GPATCH8: variants seen among roughly 807,000 people sequenced by gnomAD.
GPATCH8 encodes G-patch domain containing 8.
GPATCH8 carries 18 observed loss-of-function variants against 118.3 expected under a neutral mutation model. That is an observed-to-expected ratio of 0.15 (90% CI 0.11 to 0.23). The LOEUF (loss-of-function observed/expected upper bound fraction) is 0.23, where lower values mean the gene tolerates loss of function less well. GPATCH8 is among the 10% of genes least tolerant of loss of function. The probability of loss-of-function intolerance (pLI) is 1.00; values close to 1 mark genes in which losing one functional copy is unlikely to be tolerated. For missense variants in GPATCH8, 1,631 were observed against 1,873.8 expected (o/e 0.87, Z 2.39); for synonymous variants, 659 against 684.7 (o/e 0.96, Z 0.59).
At position 44,441,636 on chromosome 17, in the gene GPATCH8, A is replaced by C. The variant is rs112968256; in HGVS notation, c.194-5091T>G. On this transcript the variant is annotated intron_variant, in intron 3 of 7. Coordinates refer to ENST00000591680, the MANE Select transcript of GPATCH8 (RefSeq NM_001002909.4). ...CTACTCAGGAGGCTGGGGCAGGAGA[A>C]TCACTTTAACCCGGGAGGCAGAGGT... Among the ~76,000 whole-genome samples the C allele has an allele frequency of 5.6e-3, 847 of 152,094 alleles. 13 individuals carry two copies. Among genetic ancestry groups the C allele is most frequent in the African/African-American group, 0.02 (817 of 41,466 alleles).
At chr17:44,465,206 G>A (rs1458131861) in intron 2 of GPATCH8, 1 of 151,996 alleles carries the variant, frequency 6.6e-6, no homozygotes, top group Non-Finnish European at 1.5e-5. Flanking sequence ...AATAAAATGA[G>A]CTCAAGCACA....
At chr17:44,499,291 AC>A (rs998515999) in intron 1 of GPATCH8, among the ~76,000 whole-genome samples, 1 of 152,076 alleles carries the variant, frequency 6.6e-6, no homozygotes, top group African/African-American at 2.4e-5. Flanking sequence ...ACAGGGTGAA[AC>A]CCCGTCTCTA....
chr17:44,457,908 C>T (rs889883245), intron 3 of GPATCH8, among the ~76,000 whole-genome samples: 3 of 151,888 alleles, frequency 2.0e-5, no homozygotes, highest in African/African-American at 4.8e-5. Context: ...GCTAAAACCC[C>T]GTCTCTACTA....
At chr17:44,463,652 T>A (rs1339018420) in intron 3 of GPATCH8, among the ~76,000 whole-genome samples, 1 of 152,190 alleles carries the variant, frequency 6.6e-6, no homozygotes, top group Non-Finnish European at 1.5e-5. Context: ...AGTGCTGGGA[T>A]TACAGGCGTG....
chr17:44,477,513 G>A (rs1967871622), intron 1 of GPATCH8, among the ~76,000 whole-genome samples: 3 of 151,874 alleles, frequency 2.0e-5, no homozygotes, highest in Non-Finnish European at 4.4e-5. Flanking sequence ...AACTACAGGC[G>A]CCACACCAGT....
chr17:44,413,684 T>C (rs879354999), intron 6 of GPATCH8, among the ~76,000 whole-genome samples: 4 of 152,072 alleles, frequency 2.6e-5, no homozygotes, highest in Admixed American at 1.3e-4. Context: ...CGGAATGCAG[T>C]GGCATGATCT....
chr17:44,437,345 C>G (rs2050547333), intron 3 of GPATCH8, among the ~76,000 whole-genome samples: 1 of 152,040 alleles, frequency 6.6e-6, no homozygotes, highest in Non-Finnish European at 1.5e-5. Context: ...CCACTCATAA[C>G]CAGCCAAACA....
chr17:44,471,872 TA>T (rs34968232), intron 2 of GPATCH8, among the ~76,000 whole-genome samples: 80,050 of 128,462 alleles, frequency 0.62, 22,441 homozygotes, highest in Middle Eastern at 0.66. Flanking sequence ...CCAAAAAAAG[TA>T]AAAAAAAAAA....
At chr17:44,413,604 A>G (rs544239466) in intron 6 of GPATCH8, among the ~76,000 whole-genome samples, 1 of 149,766 alleles carries the variant, frequency 6.7e-6, no homozygotes, top group Non-Finnish European at 1.5e-5. Context: ...GCCTCCTGAG[A>G]AGCTGGGACC....
chr17:44,442,534 C>T (rs552743085), intron 3 of GPATCH8, among the ~76,000 whole-genome samples: 3 of 152,240 alleles, frequency 2.0e-5, no homozygotes, highest in Non-Finnish European at 2.9e-5. Flanking sequence ...GTGCCATCTC[C>T]GCTCACTGTA....
Position 44,436,471 on chromosome 17 carries a change from A to G in GPATCH8, c.261+7T>C. ...ACAAAACTTATGAGTTAATGAGATCAATTTACCTCCATTTCCATGCGACCC... is the reference window on the plus strand; with the variant it reads ...ACAAAACTTATGAGTTAATGAGATCGATTTACCTCCATTTCCATGCGACCC... On this transcript the variant is annotated splice_region_variant and intron_variant, in intron 4 of 7. Coordinates refer to ENST00000591680, the MANE Select transcript of GPATCH8 (RefSeq NM_001002909.4). 8.1e-7 allele frequency: 1 copy of G among 1,234,800 alleles called. No individual in the cohort carries two copies. Among genetic ancestry groups the G allele is most frequent in the East Asian group, 2.3e-5 (1 of 43,192 alleles). The allele number at this position is 1,234,800 out of a possible 1,614,324, so 76.5% of individuals were successfully genotyped here.
chr17:44,464,719 G>C, intron 2 of GPATCH8, 175 bp from the exon 3 acceptor site: 3 of 616,110 alleles, frequency 4.9e-6, no homozygotes, highest in Non-Finnish European at 8.7e-6. Flanking sequence ...AAAAAGAAAA[G>C]CTGGCTAGTA....
At chr17:44,416,581 A>G (rs981832893) in intron 6 of GPATCH8, among the ~76,000 whole-genome samples, 1 of 152,166 alleles carries the variant, frequency 6.6e-6, no homozygotes, top group African/African-American at 2.4e-5. Flanking sequence ...AAACTACAAC[A>G]TGTTCAAGTG....
Position 44,400,269 on chromosome 17 carries a change from A to G in GPATCH8, c.1808T>C (p.Leu603Pro). ...KDIGSSSKDH[L>P]QGLDPGEPNK... The stretch of plus-strand genomic sequence containing the variant: ...TGGCTCACCAGGATCTAGGCCTTGG[A>G]GATGGTCCTTTGAGGAGCTTCCTAT... Residue 603 changes from leucine (L) to proline (P), a missense_variant, in exon 8 of 8, where the codon CTC becomes CCC. Physicochemically the swap from Leu to Pro is moderately conservative, Grantham distance 98. Coordinates refer to ENST00000591680, the MANE Select transcript of GPATCH8 (RefSeq NM_001002909.4). 6.2e-7 allele frequency: 1 copy of G among 1,614,004 alleles called. No homozygotes were observed. Among genetic ancestry groups the G allele is most frequent in the Non-Finnish European group, 8.5e-7 (1 of 1,179,968 alleles).
chr17:44,418,774 C>A (rs886236177), intron 6 of GPATCH8, among the ~76,000 whole-genome samples: 1 of 152,138 alleles, frequency 6.6e-6, no homozygotes, highest in Non-Finnish European at 1.5e-5. Context: ...GTCTATTGAG[C>A]ATTCAGGTGT....
At chr17:44,475,643 G>A (rs1389251882) in intron 1 of GPATCH8, among the ~76,000 whole-genome samples, 9 of 152,108 alleles carry the variant, frequency 5.9e-5, no homozygotes, top group African/African-American at 2.2e-4. Flanking sequence ...GCAGTGAGCC[G>A]AGATCGCACC....
chr17:44,489,654 T>A (rs1158917329), intron 1 of GPATCH8, among the ~76,000 whole-genome samples: 1 of 152,136 alleles, frequency 6.6e-6, no homozygotes, highest in Non-Finnish European at 1.5e-5. Flanking sequence ...TTTGTCCCTT[T>A]TGAATGTTAT....
intron 1 of GPATCH8, among the ~76,000 whole-genome samples, chr17:44,481,803 A>G (rs1346009053): frequency 1.3e-5 from 2 of 152,222 alleles, no homozygotes; most frequent in Admixed American, 1.3e-4. Context: ...AGTGGCAGTT[A>G]TAAGAATCTA....
At chr17:44,449,643 A>G (rs2051039987) in intron 3 of GPATCH8, among the ~76,000 whole-genome samples, 1 of 151,570 alleles carries the variant, frequency 6.6e-6, no homozygotes, top group Non-Finnish European at 1.5e-5. Flanking sequence ...CAGCCTCCCG[A>G]GTAGCTGGGA....
Sources: gnomAD v4.1 joint callset for allele counts (sites outside exome capture counted in the v4.1 genomes callset) on GRCh38, gnomAD v4.1.1 for gene constraint, MANE v1.5 for transcripts, NCBI Gene and HGNC (gene_info 2026-07-23, HGNC 2026-07-21) for gene names.